The following PPP4R2 variants were observed in gnomAD, a reference collection of about 807,000 sequenced individuals.
The protein encoded by PPP4R2 is serine/threonine-protein phosphatase 4 regulatory subunit 2.
A neutral mutation model predicts 47.2 loss-of-function variants in PPP4R2; 13 were observed. The ratio of observed to expected loss-of-function variants is 0.28; its 90% CI spans 0.18 to 0.44. PPP4R2 has a LOEUF of 0.44. Ranked by LOEUF, PPP4R2 falls within the 20% of genes least tolerant of loss-of-function variation. The pLI is 1.00. For missense variants in PPP4R2, 421 were observed against 491.2 expected, an observed-to-expected ratio of 0.86 and a Z score of 1.35; for synonymous variants, 151 against 163.3, an observed-to-expected ratio of 0.92 and a Z score of 0.57.
At chr3:73,060,760 G>C (rs537317179) in intron 4 of PPP4R2, among the ~76,000 whole-genome samples, 2 of 151,990 alleles carry the variant, frequency 1.3e-5, no homozygotes, top group Non-Finnish European at 2.9e-5. Context: ...TGATGTTACG[G>C]GTCTAGAATA....
Position 73,066,607 on chromosome 3 carries a change from G to A in PPP4R2, c.*885G>A, listed in dbSNP as rs1703002074. On this transcript the variant is annotated 3_prime_UTR_variant, in exon 9 of 9. Transcript: ENST00000356692. ...TTGTAGAATGAATGTTTATGAAGCT[G>A]ATATGAGACCATCTCAGAAGAACCA... 6.6e-6 allele frequency: 1 copy of A among 152,050 alleles called. No homozygotes were observed. Among genetic ancestry groups the A allele is most frequent in the African/African-American group, 2.4e-5 (1 of 41,440 alleles). 9.4% of individuals were successfully genotyped at this position (152,050 alleles called of 1,614,324 possible). A position where few individuals can be genotyped will look rare whatever the true frequency, so the allele number is the denominator to read the frequency against.
chr3:73,022,768 CT>C (rs72246096), intron 2 of PPP4R2, among the ~76,000 whole-genome samples: 21,898 of 136,850 alleles, frequency 0.16, 1,839 homozygotes, highest in East Asian at 0.42. Context: ...TGCCGCATTT[CT>C]TTTTTTTTTT....
chr3:73,023,255 C>T (rs1701996527), intron 2 of PPP4R2, among the ~76,000 whole-genome samples: 1 of 150,236 alleles, frequency 6.7e-6, no homozygotes, highest in Non-Finnish European at 1.5e-5. Flanking sequence ...GCGATCTCAA[C>T]CTCTGCTCAC....
intron 2 of PPP4R2, among the ~76,000 whole-genome samples, chr3:73,013,027 C>A (rs9850568): frequency 0.53 from 79,210 of 150,608 alleles, 21,008 homozygotes; most frequent in African/African-American, 0.61. Context: ...GATACTGATA[C>A]TTTTCTAGTC....
chr3:73,058,632 C>T (rs1559567749), intron 3 of PPP4R2, among the ~76,000 whole-genome samples: 1 of 151,986 alleles, frequency 6.6e-6, no homozygotes, highest in Non-Finnish European at 1.5e-5. Context: ...TTATCCATCA[C>T]CTCAAGCGTT....
chr3:73,020,140 T>A (rs190459230), intron 2 of PPP4R2, among the ~76,000 whole-genome samples: 2 of 152,206 alleles, frequency 1.3e-5, no homozygotes, highest in Non-Finnish European at 2.9e-5. Context: ...CAGTCTAAGA[T>A]AAGTGTGCCA....
chr3:73,036,596 G>C (rs758188734), intron 2 of PPP4R2, among the ~76,000 whole-genome samples: 1 of 152,180 alleles, frequency 6.6e-6, no homozygotes, highest in Non-Finnish European at 1.5e-5. Flanking sequence ...AATTCATTTA[G>C]TAGCGTTGAC....
At chr3:73,064,591 C>T (rs541865804) in intron 7 of PPP4R2, among the ~76,000 whole-genome samples, 3 of 152,188 alleles carry the variant, frequency 2.0e-5, no homozygotes, top group South Asian at 2.1e-4. Context: ...GGAAGACTTG[C>T]GGGTTTATTG....
chr3:73,015,239 A>T (rs1158821686), intron 2 of PPP4R2, among the ~76,000 whole-genome samples: 2 of 149,998 alleles, frequency 1.3e-5, no homozygotes, highest in East Asian at 3.9e-4. Flanking sequence ...GAGTGCAGTG[A>T]CTTGATCTCA....
chr3:72,997,496 C>G (rs1038469400), intron 1 of PPP4R2: 1 of 184,420 alleles, frequency 5.4e-6, no homozygotes, highest in Non-Finnish European at 1.1e-5. Context: ...TTTAAGTTGT[C>G]TCAGTATGCC....
intron 2 of PPP4R2, among the ~76,000 whole-genome samples, chr3:73,005,754 C>T (rs1362088564): frequency 2.0e-5 from 3 of 147,934 alleles, no homozygotes; most frequent in African/African-American, 5.0e-5. Flanking sequence ...ATCACCTGAT[C>T]CCGGGAGGCA....
chr3:73,043,839 A>G (rs547446262), intron 2 of PPP4R2, among the ~76,000 whole-genome samples: 3 of 152,340 alleles, frequency 2.0e-5, no homozygotes, highest in South Asian at 4.1e-4. Flanking sequence ...GTATGTTACC[A>G]TCACTATCAT....
chr3:73,021,612 T>G (rs1366066901), intron 2 of PPP4R2, among the ~76,000 whole-genome samples: 1 of 152,114 alleles, frequency 6.6e-6, no homozygotes, highest in Non-Finnish European at 1.5e-5. Flanking sequence ...CTGGTGTGAA[T>G]TTTCTCAAAG....
chr3:73,069,186 A>ATTC lies in PPP4R2; in HGVS notation c.*3465_*3466insTCT, dbSNP rs1277136321. 6.6e-6 allele frequency: 1 copy of ATTC among 152,188 alleles called. No homozygotes were observed. The highest frequency in any genetic ancestry group is 2.4e-5 in the African/African-American group (1 of 41,440). 9.4% of individuals were successfully genotyped at this position (152,188 alleles called of 1,614,324 possible). ...TATTATTTTCATAATGCAATAAAAT[A>ATTC]TAAATTAGAATATTTCTATGTGTGT... On this transcript the variant is annotated 3_prime_UTR_variant, in exon 9 of 9. Transcript: ENST00000356692.
At chr3:73,047,006 G>C (rs532014356) in intron 2 of PPP4R2, among the ~76,000 whole-genome samples, 180 bp from the exon 3 acceptor site, 1 of 152,258 alleles carries the variant, frequency 6.6e-6, no homozygotes, top group Admixed American at 6.5e-5. Context: ...ATAGCATCAG[G>C]ATGGAGCTTG....
chr3:73,064,452 A>AT (rs1305541399), intron 7 of PPP4R2, among the ~76,000 whole-genome samples: 1 of 152,196 alleles, frequency 6.6e-6, no homozygotes, highest in Non-Finnish European at 1.5e-5. Flanking sequence ...AAATAAGTTG[A>AT]TTTTTGTGAG....
Position 73,021,250 on chromosome 3 carries a change from T to G in PPP4R2, c.116+23092T>G, listed in dbSNP as rs553959273. Reference sequence around the variant, plus strand: ...AAAAAAAAATTTTTTTTTTTTTTTTTGTAACAGGATCTTACTGTTTCACCC... The same window carrying G: ...AAAAAAAAATTTTTTTTTTTTTTTTGGTAACAGGATCTTACTGTTTCACCC... On this transcript the variant is annotated intron_variant, in intron 2 of 8. Coordinates refer to ENST00000356692, the MANE Select transcript of PPP4R2 (RefSeq NM_174907.4). Among the ~76,000 whole-genome samples, 68 of 115,092 alleles carry G rather than the reference T, an allele frequency of 5.9e-4. 1 individual carries two copies. In the South Asian group the frequency reaches 0.028, roughly 48 times the overall value. The allele number at this position is 115,092 out of a possible 152,430, so 75.5% of individuals were successfully genotyped here. A position where few individuals can be genotyped will look rare whatever the true frequency, so the allele number is the denominator to read the frequency against.
At chr3:73,051,210 T>G (rs989515657) in intron 3 of PPP4R2, among the ~76,000 whole-genome samples, 2 of 152,162 alleles carry the variant, frequency 1.3e-5, no homozygotes, top group Non-Finnish European at 2.9e-5. Flanking sequence ...CCACCGCACC[T>G]GGCCAGATTG....
At chr3:73,028,465 T>G (rs961029727) in intron 2 of PPP4R2, among the ~76,000 whole-genome samples, 20 of 152,014 alleles carry the variant, frequency 1.3e-4, no homozygotes, top group African/African-American at 4.4e-4. Flanking sequence ...TAGAAGACTT[T>G]TTTTGTTTTT....
Sources: gnomAD v4.1 joint callset for allele counts (sites outside exome capture counted in the v4.1 genomes callset) on GRCh38, gnomAD v4.1.1 for gene constraint, MANE v1.5 for transcripts, NCBI Gene and HGNC (gene_info 2026-07-23, HGNC 2026-07-21) for gene names.